The following FLII variants were observed in gnomAD, a reference collection of about 807,000 sequenced individuals.
FLII encodes the protein FLII actin remodeling protein, also known as protein flightless-1 homolog.
FLII carries 101 observed loss-of-function variants against 156.2 expected under a neutral mutation model. The observed-to-expected ratio is 0.65, with a 90% CI of 0.55 to 0.76. FLII has a LOEUF of 0.76. FLII is among the 30% of genes least tolerant of loss of function. The probability of loss-of-function intolerance (pLI) is 0.00; values close to 1 mark genes in which losing one functional copy is unlikely to be tolerated. For synonymous variants in FLII, 767 were observed against 685.8 expected (o/e 1.12, Z -1.85); for missense variants, 1,675 against 1,682.8 (o/e 1.00, Z 0.08).
chr17:18,247,149 G>A lies in FLII; in HGVS notation c.2676+20C>T, dbSNP rs767755825. 1.0e-5 allele frequency: 6 copies of A among 594,146 alleles called. No individual in the cohort carries two copies. The highest frequency in any genetic ancestry group is 1.3e-5 in the Non-Finnish European group (6 of 450,032). 36.8% of individuals were successfully genotyped at this position (594,146 alleles called of 1,614,324 possible). A position where few individuals can be genotyped will look rare whatever the true frequency, so the allele number is the denominator to read the frequency against. ...CCCCCCACCCCCCCCCCCGCGCCCC[G>A]GTCCCGGCCCTGCCCCCACCTCGGC... On this transcript the variant is annotated intron_variant, in intron 21 of 29. Coordinates refer to ENST00000327031, the MANE Select transcript of FLII (RefSeq NM_002018.4).
rs749462588 is a variant in FLII, at chr17:18,251,304, G to C, written c.1557C>G (p.His519Gln). Reference protein sequence around the residue: ...FVPVLVEEAFHGKFYEADCYI... With the variant: ...FVPVLVEEAFQGKFYEADCYI... Reference sequence around the variant, plus strand: ...AGCAGTCAGCCTCGTAGAACTTGCCGTGGAAGGCTTCCTCCACCAGCACAG... The same window carrying C: ...AGCAGTCAGCCTCGTAGAACTTGCCCTGGAAGGCTTCCTCCACCAGCACAG... The change falls in exon 13 of 30, where the codon CAC becomes CAG. Residue 519 changes from histidine (H) to glutamine (Q), a missense_variant. His to Gln is a conservative substitution (Grantham distance 24). Around this residue, in one of 2 missense-constraint regions of FLII, gnomAD observed 1,332 missense variants for 1,269.3 expected, o/e 1.05. Transcript: ENST00000327031. The C allele has an allele frequency of 3.7e-6, 6 of 1,613,878 alleles. No homozygotes were observed. In the African/African-American group the frequency reaches 8.0e-5, roughly 22 times the overall value.
Position 18,244,904 on chromosome 17 carries a change from G to C in FLII, c.*234C>G. 1 of 530,320 alleles carries C rather than the reference G, an allele frequency of 1.9e-6. No homozygotes were observed. The highest frequency in any genetic ancestry group is 3.3e-6 in the Non-Finnish European group (1 of 298,748). 32.9% of individuals were successfully genotyped at this position (530,320 alleles called of 1,614,324 possible). ...CATCCACATCTGCTTTATCCCTAGC[G>C]GAAGAGTGAGGGGGCTTCACACGTG... On this transcript the variant is annotated 3_prime_UTR_variant, in exon 30 of 30. Coordinates refer to ENST00000327031, the MANE Select transcript of FLII (RefSeq NM_002018.4).
In FLII at chr17:18,247,185, G is replaced by A; in HGVS notation, c.2660C>T (p.Pro887Leu). ...LTALFLPRQP[P>L]MSLAEAEQLM... ...TGCCCCCACCTCGGCCAGCGACATG[G>A]GCGGCTGCCGCGGCAGGAAAAGCGC... Residue 887 changes from proline to leucine, a missense_variant, in exon 21 of 30, where the codon CCC becomes CTC. Physicochemically the swap from Pro to Leu is moderately conservative, Grantham distance 98. Around this residue, in one of 2 missense-constraint regions of FLII, gnomAD observed 1,332 missense variants for 1,269.3 expected, o/e 1.05. Transcript: ENST00000327031. 6.4e-7 allele frequency: 1 copy of A among 1,558,992 alleles called. No homozygotes were observed. The highest frequency in any genetic ancestry group is 8.6e-7 in the Non-Finnish European group (1 of 1,163,116).
chr17:18,250,946 G>C lies in FLII; in HGVS notation c.1668C>G (p.Asp556Glu), dbSNP rs1327159469. Residue 556 changes from aspartate (D) to glutamate (E), a missense_variant, in exon 14 of 30, where the codon GAC (aspartate) becomes GAG (glutamate). This residue lies in a region of FLII where 1,332 missense variants were observed against 1,269.3 expected (regional missense o/e 1.05). Transcript: ENST00000327031. Reference sequence around the variant, plus strand: ...CGTGGATGGCAGAGCAAGCTTTCTTGTCGAGTGTGGCCTCCCCGCCAATCC... The same window carrying C: ...CGTGGATGGCAGAGCAAGCTTTCTTCTCGAGTGTGGCCTCCCCGCCAATCC... ...YYWIGGEATL[D>E]KKACSAIHAV... 6.2e-7 allele frequency: 1 copy of C among 1,613,888 alleles called. No individual in the cohort carries two copies. The highest frequency in any genetic ancestry group is 1.7e-5 in the Admixed American group (1 of 60,014).
rs773892887 is a variant in FLII, at chr17:18,245,956, A to T, written c.3374T>A (p.Phe1125Tyr). The T allele has an allele frequency of 3.1e-6, 5 of 1,613,828 alleles. No individual in the cohort carries two copies. Among genetic ancestry groups the T allele is most frequent in the Middle Eastern group, 1.6e-4 (1 of 6,084 alleles). Residue 1125 changes from phenylalanine to tyrosine, a missense_variant, in exon 26 of 30, where the codon TTT becomes TAT. By Grantham distance (22) the Phe-to-Tyr change is conservative. This residue lies in a region of FLII where 1,332 missense variants were observed against 1,269.3 expected (regional missense o/e 1.05). Transcript: ENST00000327031. ...GACCTGCTTGCTGTAGGAGGTGTCA[A>T]ACATGGTGTTCAGGATGTCTTCTGC... Reference protein sequence around the residue: ...KLAEDILNTMFDTSYSKQVIN... With the variant: ...KLAEDILNTMYDTSYSKQVIN...
At chr17:18,248,930 T>C (rs766341121) in intron 16 of FLII, 47 bp from the exon 17 acceptor site, 40 of 1,516,504 alleles carry the variant, frequency 2.6e-5, no homozygotes, top group Non-Finnish European at 3.7e-6. Flanking sequence ...CATGGGGCAA[T>C]GGTCACCCCA....
At chr17:18,256,843 C>G in intron 2 of FLII, 66 bp downstream of exon 2, 1 of 1,103,070 alleles carries the variant, frequency 9.1e-7, no homozygotes, top group Non-Finnish European at 1.3e-6. Flanking sequence ...TGTCTGCCTT[C>G]TCCACAGGCT....
Position 18,256,552 on chromosome 17 carries a change from C to A in FLII, c.220G>T (p.Glu74Ter). The change falls in exon 3 of 30, where the codon GAG (glutamate) becomes TAG (stop). Residue 74 changes from glutamate (E) to a stop codon, truncating the protein, a stop_gained. Transcript: ENST00000327031. LOFTEE classifies it high-confidence loss of function. The stretch of plus-strand genomic sequence containing the variant: ...CGCAGCGATGGCAGGCTGGACAGCT[C>A]CCCATGAAGCGTGGTCAGGTTGTTG... The part of the protein sequence containing the change: ...SHNNLTTLHG[E>*]LSSLPSLRAI... The A allele has an allele frequency of 6.4e-7, 1 of 1,551,670 alleles. No individual in the cohort carries two copies. Among genetic ancestry groups the A allele is most frequent in the Non-Finnish European group, 8.7e-7 (1 of 1,147,006 alleles).
At position 18,250,963 on chromosome 17, in the gene FLII, C is replaced by G; in HGVS notation, c.1651G>C (p.Gly551Arg). The change falls in exon 14 of 30, where the codon GGG becomes CGG. Residue 551 changes from glycine (G) to arginine (R), a missense_variant. Around this residue, in one of 2 missense-constraint regions of FLII, gnomAD observed 1,332 missense variants for 1,269.3 expected, o/e 1.05. Coordinates refer to ENST00000327031, the MANE Select transcript of FLII (RefSeq NM_002018.4). ...GCTTTCTTGTCGAGTGTGGCCTCCC[C>G]GCCAATCCAGTAGTAGATCTCCCAG... ...LNWEIYYWIGGEATLDKKACS... is the reference protein window; with the variant it reads ...LNWEIYYWIGREATLDKKACS... 6.2e-7 allele frequency: 1 copy of G among 1,613,946 alleles called. No individual in the cohort carries two copies. Among genetic ancestry groups the G allele is most frequent in the Non-Finnish European group, 8.5e-7 (1 of 1,179,952 alleles).
intron 20 of FLII, 145 bp downstream of exon 20, chr17:18,247,512 G>C (rs1364173410): frequency 9.6e-7 from 1 of 1,037,424 alleles, no homozygotes; most frequent in African/African-American, 1.6e-5. Context: ...GGGGCAGCTT[G>C]CAGAGGGGGC....
At chr17:18,255,037 G>A in intron 4 of FLII, 146 bp downstream of exon 4, 1 of 910,490 alleles carries the variant, frequency 1.1e-6, no homozygotes, top group Non-Finnish European at 1.8e-6. Context: ...GACTCCAAAA[G>A]TGACCTCAGG....
At chr17:18,256,337 T>A (rs1352668777) in intron 3 of FLII, among the ~76,000 whole-genome samples, 189 bp downstream of exon 3, 1 of 152,274 alleles carries the variant, frequency 6.6e-6, no homozygotes, top group Non-Finnish European at 1.5e-5. Context: ...CTGATCCACA[T>A]GGGTTACTTT....
rs2048141415 is a variant in FLII at position 18,247,949 on chromosome 17, G to C, written c.2275C>G (p.Leu759Val). ...VEHKQRPKVE[L>V]MPRMRLLQSL... ...CTTACCAGCCGCATTCTTGGCATCA[G>C]CTCCACCTTGGGACGCTGCTTATGT... Residue 759 changes from leucine to valine, a missense_variant, in exon 19 of 30, where the codon CTG becomes GTG. Coordinates refer to ENST00000327031, the MANE Select transcript of FLII (RefSeq NM_002018.4). 2 of 1,613,984 alleles carry C rather than the reference G, an allele frequency of 1.2e-6. No homozygotes were observed. The highest frequency in any genetic ancestry group is 1.1e-5 in the South Asian group (1 of 91,088).
chr17:18,251,150 C>T, intron 13 of FLII, 115 bp downstream of exon 13: 1 of 1,410,834 alleles, frequency 7.1e-7, no homozygotes, highest in Non-Finnish European at 9.6e-7. Flanking sequence ...CCACCTCCTG[C>T]AGCCTGCCCA....
rs2048186652 is a variant in FLII, at chr17:18,249,308, C to G, written c.1859+18G>C. 3 of 1,613,378 alleles carry G rather than the reference C, an allele frequency of 1.9e-6. No individual in the cohort carries two copies. The highest frequency in any genetic ancestry group is 1.7e-6 in the Non-Finnish European group (2 of 1,179,282). On this transcript the variant is annotated intron_variant, in intron 15 of 29. Transcript: ENST00000327031. ...GCAGACTCCAGGTCCATACCCCCCA[C>G]TGCCCACACACCCTCACCTGGTGAC...
intron 6 of FLII, 96 bp from the exon 7 acceptor site, chr17:18,254,278 G>A: frequency 9.8e-7 from 1 of 1,019,536 alleles, no homozygotes; most frequent in Non-Finnish European, 1.4e-6. Flanking sequence ...AGGGCCCAGA[G>A]GGTAGGTGTG....
rs1322105307 is a variant in FLII, at chr17:18,251,263, A to C, written c.1596+2T>G. 2 of 1,613,278 alleles carry C rather than the reference A, an allele frequency of 1.2e-6. No homozygotes were observed. Among genetic ancestry groups the C allele is most frequent in the Non-Finnish European group, 1.7e-6 (2 of 1,179,626 alleles). On this transcript the variant is annotated splice_donor_variant, in intron 13 of 29. Coordinates refer to ENST00000327031, the MANE Select transcript of FLII (RefSeq NM_002018.4). LOFTEE classifies it high-confidence loss of function. ...GCCCCTAACAGCATGCCCAGCCCTC[A>C]CCTTGAGCACAATGTAGCAGTCAGC...
intron 13 of FLII, 122 bp downstream of exon 13, chr17:18,251,143 C>A: frequency 7.1e-7 from 1 of 1,402,368 alleles, no homozygotes; most frequent in African/African-American, 1.4e-5. Flanking sequence ...GCCTGGACCA[C>A]CTCCTGCAGC....
chr17:18,252,609 T>A lies in FLII; in HGVS notation c.1014-53A>T. The A allele has an allele frequency of 2.7e-6, 4 of 1,479,288 alleles. No individual in the cohort carries two copies. The South Asian group carries it at 3.4e-5, about 13-fold the overall frequency. The allele number at this position is 1,479,288 out of a possible 1,614,324, so 91.6% of individuals were successfully genotyped here. ...CAGGCAGGTGACAGACAAGGGGAAG[T>A]GGGCAAGAAAACCCCTAGTCCTGGG... is the stretch of plus-strand genomic sequence containing the variant. On this transcript the variant is annotated intron_variant, in intron 9 of 29. Coordinates refer to ENST00000327031, the MANE Select transcript of FLII (RefSeq NM_002018.4).
Sources: gnomAD v4.1 joint callset for allele counts (sites outside exome capture counted in the v4.1 genomes callset) on GRCh38, gnomAD v4.1.1 for gene constraint, gnomAD v4.1.1 regional missense constraint, MANE v1.5 for transcripts, NCBI Gene and HGNC (gene_info 2026-07-23, HGNC 2026-07-21) for gene names.